Variants in B4GALNT3 observed in about 807,000 individuals in gnomAD.
B4GALNT3 encodes the protein beta-1,4-N-acetyl-galactosaminyltransferase 3.
Under a neutral mutation model 120.2 loss-of-function variants are expected in B4GALNT3, and 86 were observed. The observed-to-expected ratio is 0.72, with a 90% CI of 0.60 to 0.86. The LOEUF is 0.86. Ranked by LOEUF, B4GALNT3 falls within the 40% of genes least tolerant of loss-of-function variation. The probability of loss-of-function intolerance (pLI) is 0.00; values close to 1 mark genes in which losing one functional copy is unlikely to be tolerated. For missense variants in B4GALNT3, 1,167 were observed against 1,298.9 expected (o/e 0.90, Z 1.56); for synonymous variants, 518 against 510.4 (o/e 1.01, Z -0.20).
Position 548,060 on chromosome 12 carries a change from G to A in B4GALNT3, c.744G>A (p.Leu248=), listed in dbSNP as rs754062616. The A allele has an allele frequency of 6.2e-7, 1 of 1,613,878 alleles. No homozygotes were observed. The highest frequency in any genetic ancestry group is 2.2e-5 in the East Asian group (1 of 44,876). The change falls in exon 8 of 20, where the codon CTG becomes CTA. Residue 248 remains leucine, a synonymous_variant. Transcript: ENST00000266383. This position sits in a 1 kb window ranked among gnomAD's most constrained non-coding sequence, Gnocchi z 4.9. ...CCCACAGGTACTACTTCGAGGTGCTGCACAAGCAGAATGAGGAGGGCACCG... is the reference window on the plus strand; with the variant it reads ...CCCACAGGTACTACTTCGAGGTGCTACACAAGCAGAATGAGGAGGGCACCG... ...SASHRYYFEV[L]HKQNEEGTDH...
chr12:466,250 T>A (rs926462489), intron 1 of B4GALNT3, among the ~76,000 whole-genome samples: 2 of 152,174 alleles, frequency 1.3e-5, no homozygotes, highest in African/African-American at 2.4e-5. Flanking sequence ...GCAGTAATTT[T>A]CCAGGCCATG....
intron 1 of B4GALNT3, among the ~76,000 whole-genome samples, chr12:519,888 T>C (rs4980930): frequency 0.76 from 114,861 of 152,080 alleles, 43,696 homozygotes; most frequent in East Asian, 0.86. Context: ...GTTGTTTCCA[T>C]GGAAAGTACT....
At chr12:479,581 A>G (rs991347078) in intron 1 of B4GALNT3, among the ~76,000 whole-genome samples, 1 of 152,120 alleles carries the variant, frequency 6.6e-6, no homozygotes, top group Non-Finnish European at 1.5e-5. Flanking sequence ...GATAAGGGGG[A>G]AGTTGAGCAA....
intron 1 of B4GALNT3, among the ~76,000 whole-genome samples, chr12:471,770 TA>T (rs201684149): frequency 0.066 from 10,098 of 152,090 alleles, 573 homozygotes; most frequent in African/African-American, 0.16. Flanking sequence ...CTTCTGCATT[TA>T]AAAAATTTAA....
At chr12:552,292 TACACACACACACAC>T (rs10604398) in intron 12 of B4GALNT3, 129 bp downstream of exon 12, 30,056 of 627,008 alleles carry the variant, frequency 0.048, 260 homozygotes, top group Non-Finnish European at 0.059. Context: ...TCCTGAGTAC[TACACACACACACAC>T]ACACACACAC....
chr12:556,811 C>G lies in B4GALNT3; in HGVS notation c.2325C>G (p.Cys775Trp). The change falls in exon 15 of 20, where the codon TGC becomes TGG. Residue 775 changes from cysteine (C) to tryptophan (W), a missense_variant. Cys to Trp is a radical substitution (Grantham distance 215, BLOSUM62 -2). Around this residue, in one of 3 missense-constraint regions of B4GALNT3, gnomAD observed 983 missense variants for 1,102.5 expected, o/e 0.89. Transcript: ENST00000266383. ...LNTRAQEPKL[C>W]WPQGFSWSHR... ...CCCGGGCCCAAGAGCCCAAGCTGTG[C>G]TGGCCTCAGGGTTTCTCCTGGAGTC... The G allele has an allele frequency of 6.2e-7, 1 of 1,613,686 alleles. No individual in the cohort carries two copies. The highest frequency in any genetic ancestry group is 8.5e-7 in the Non-Finnish European group (1 of 1,179,938).
chr12:541,180 G>A (rs781455231), intron 3 of B4GALNT3, among the ~76,000 whole-genome samples: 8 of 152,220 alleles, frequency 5.3e-5, no homozygotes, highest in Admixed American at 1.3e-4. Flanking sequence ...GTGAGGGCCC[G>A]GCAGGGCCGG....
intron 1 of B4GALNT3, among the ~76,000 whole-genome samples, chr12:461,009 C>G (rs559122348): frequency 9.2e-5 from 14 of 152,318 alleles, no homozygotes; most frequent in African/African-American, 3.1e-4. Context: ...AAACTTTGCC[C>G]ACCGCCTTCT....
rs369953122 is a variant in B4GALNT3, at chr12:558,677, A to C, written c.2761+16A>C. On this transcript the variant is annotated intron_variant, in intron 18 of 19. Transcript: ENST00000266383. ...TGGCCTGAGGGTGAGCCCTGCTCAG[A>C]CTGGGGAGGGAGGAAAGACTTCTCT... 1 of 1,612,296 alleles carries C rather than the reference A, an allele frequency of 6.2e-7. No homozygotes were observed. The highest frequency in any genetic ancestry group is 8.5e-7 in the Non-Finnish European group (1 of 1,178,984).
intron 14 of B4GALNT3, among the ~76,000 whole-genome samples, chr12:554,771 CAG>C (rs1163283814): frequency 2.3e-5 from 2 of 87,736 alleles, no homozygotes; most frequent in South Asian, 4.8e-4. Flanking sequence ...GCCTGGGCGA[CAG>C]AGCAAGACTC....
At chr12:547,163 G>T (rs1489927872) in intron 7 of B4GALNT3, among the ~76,000 whole-genome samples, 1 of 151,930 alleles carries the variant, frequency 6.6e-6, no homozygotes, top group Non-Finnish European at 1.5e-5. Flanking sequence ...AGCGGGCGTT[G>T]CTGGGCGTTG....
At chr12:466,368 C>A (rs998077538) in intron 1 of B4GALNT3, among the ~76,000 whole-genome samples, 1 of 152,044 alleles carries the variant, frequency 6.6e-6, no homozygotes. Context: ...TGGAGTTGGC[C>A]GCTCGCTGTC....
At chr12:474,290 G>A (rs929348219) in intron 1 of B4GALNT3, among the ~76,000 whole-genome samples, 1 of 152,152 alleles carries the variant, frequency 6.6e-6, no homozygotes, top group Non-Finnish European at 1.5e-5. Flanking sequence ...AACCAGTATG[G>A]GGGGATGGGG....
rs141577279 is a variant in B4GALNT3, at chr12:548,579, T to C, written c.853+282T>C. 6.6e-6 allele frequency among the ~76,000 whole-genome samples: 1 copy of C among 152,122 alleles called. No individual in the cohort carries two copies. Among genetic ancestry groups the C allele is most frequent in the East Asian group, 1.9e-4 (1 of 5,186 alleles). ...CACACACAACATTTTGAATACAACT[T>C]CAAGGGAGTCCAGAGACTGTGAGCT... On this transcript the variant is annotated intron_variant, in intron 9 of 19. Transcript: ENST00000266383. This position sits in a 1 kb window ranked among gnomAD's most constrained non-coding sequence, Gnocchi z 4.9.
At chr12:475,268 G>C (rs1946173649) in intron 1 of B4GALNT3, among the ~76,000 whole-genome samples, 1 of 152,216 alleles carries the variant, frequency 6.6e-6, no homozygotes, top group South Asian at 2.1e-4. Context: ...TGGATCCCTA[G>C]TTAAGAACTC....
chr12:485,955 T>C (rs1946286539), intron 1 of B4GALNT3, among the ~76,000 whole-genome samples: 1 of 152,056 alleles, frequency 6.6e-6, no homozygotes, highest in Non-Finnish European at 1.5e-5. Flanking sequence ...AAAGCAGAAA[T>C]CCATGAGCAG....
chr12:554,107 C>G (rs1384156211), intron 14 of B4GALNT3, 124 bp downstream of exon 14: 1 of 683,628 alleles, frequency 1.5e-6, no homozygotes, highest in Admixed American at 2.8e-5. Flanking sequence ...GAACTTTGCC[C>G]CCGACTCAGG....
At position 563,137 on chromosome 12, in the gene B4GALNT3, T is replaced by G. The variant is rs1947249117; in HGVS notation, c.*1686T>G. The G allele has an allele frequency of 1.3e-5, 2 of 152,500 alleles. No homozygotes were observed. Among genetic ancestry groups the G allele is most frequent in the African/African-American group, 2.4e-5 (1 of 41,454 alleles). 9.4% of individuals were successfully genotyped at this position (152,500 alleles called of 1,614,324 possible). A position where few individuals can be genotyped will look rare whatever the true frequency, so the allele number is the denominator to read the frequency against. ...CTCCCTGGGCTGTGGCTTTTTCTGGTCCCTGCTGAGGCCGACTGGCCCCTG... is the reference window on the plus strand; with the variant it reads ...CTCCCTGGGCTGTGGCTTTTTCTGGGCCCTGCTGAGGCCGACTGGCCCCTG... On this transcript the variant is annotated 3_prime_UTR_variant, in exon 20 of 20. Transcript: ENST00000266383.
intron 1 of B4GALNT3, among the ~76,000 whole-genome samples, chr12:493,800 G>T (rs759794229): frequency 2.5e-4 from 38 of 152,086 alleles, no homozygotes; most frequent in Non-Finnish European, 4.4e-4. Context: ...TAAAAAAAAT[G>T]AAAAGTAACA....
Sources: allele counts gnomAD v4.1 joint callset (sites outside exome capture counted in the v4.1 genomes callset), GRCh38; gene constraint gnomAD v4.1.1; regional missense constraint gnomAD v4.1.1; non-coding constraint Gnocchi (gnomAD v3.1); transcripts MANE v1.5; gene names NCBI Gene and HGNC (gene_info 2026-07-23, HGNC 2026-07-21).